Variants in UNC79 observed in about 807,000 individuals in gnomAD.
UNC79 encodes the protein unc-79 subunit of NALCN channel complex.
In UNC79, 37 loss-of-function variants were observed where a neutral mutation model predicts 283.1. That is an observed-to-expected ratio of 0.13 (90% CI 0.10 to 0.17). The LOEUF (loss-of-function observed/expected upper bound fraction) is 0.17. Among genes scored for constraint, UNC79 ranks in the 10% least tolerant of loss-of-function variants. The probability of loss-of-function intolerance (pLI) is 1.00; values close to 1 mark genes in which losing one functional copy is unlikely to be tolerated. For missense variants in UNC79, 2,272 were observed against 3,211.1 expected (o/e 0.71, Z 7.07); for synonymous variants, 1,107 against 1,200.2 (o/e 0.92, Z 1.61).
At chr14:93,351,467 C>T (rs2053979105) in intron 1 of UNC79, among the ~76,000 whole-genome samples, 1 of 152,092 alleles carries the variant, frequency 6.6e-6, no homozygotes, top group Non-Finnish European at 1.5e-5. Flanking sequence ...TGCTAATATT[C>T]ATTCATTCAA....
At chr14:93,612,117 G>A (rs1171778183) in intron 26 of UNC79, among the ~76,000 whole-genome samples, 4 of 152,178 alleles carry the variant, frequency 2.6e-5, no homozygotes, top group Non-Finnish European at 4.4e-5. Flanking sequence ...CCTTCATGTG[G>A]TGTTTTTCTG....
intron 1 of UNC79, among the ~76,000 whole-genome samples, chr14:93,417,418 T>A (rs1477255248): frequency 1.4e-4 from 21 of 152,198 alleles, no homozygotes; most frequent in African/African-American, 4.6e-4. Flanking sequence ...CTTCCCTTTG[T>A]GGGTAACCCG....
At chr14:93,677,225 T>C (rs1249453523) in intron 41 of UNC79, among the ~76,000 whole-genome samples, 1 of 152,194 alleles carries the variant, frequency 6.6e-6, no homozygotes, top group Non-Finnish European at 1.5e-5. Flanking sequence ...TGGTCCTGCC[T>C]AAGTCATGGA....
chr14:93,343,325 T>G (rs950296113), intron 1 of UNC79, among the ~76,000 whole-genome samples: 15 of 152,230 alleles, frequency 9.9e-5, no homozygotes, highest in African/African-American at 3.6e-4. Flanking sequence ...GCAAGGGGCA[T>G]GTCTTCTTAT....
intron 22 of UNC79, among the ~76,000 whole-genome samples, chr14:93,590,276 G>A (rs996926273): frequency 9.9e-5 from 15 of 152,184 alleles, no homozygotes; most frequent in Non-Finnish European, 1.8e-4. Context: ...CATACCATGA[G>A]AAAGGTGGAG....
chr14:93,704,100 G>A (rs2075711046), intron 47 of UNC79, among the ~76,000 whole-genome samples: 2 of 152,160 alleles, frequency 1.3e-5, no homozygotes, highest in Non-Finnish European at 2.9e-5. Flanking sequence ...TTGGCTGTGT[G>A]TGCTCCCACA....
At chr14:93,606,421 A>G (rs895342696) in intron 26 of UNC79, among the ~76,000 whole-genome samples, 6 of 152,248 alleles carry the variant, frequency 3.9e-5, no homozygotes, top group African/African-American at 1.4e-4. Context: ...GGCAATTTCA[A>G]ACTACTGTAG....
At chr14:93,641,340 C>A in intron 33 of UNC79, 93 bp downstream of exon 36, 2 of 1,242,490 alleles carry the variant, frequency 1.6e-6, no homozygotes, top group Non-Finnish European at 2.3e-6. Context: ...GCATGCTTTG[C>A]TTTTAAGTCA....
intron 1 of UNC79, among the ~76,000 whole-genome samples, chr14:93,384,133 T>A (rs1391268340): frequency 1.3e-5 from 2 of 152,328 alleles, no homozygotes; most frequent in South Asian, 2.1e-4. Flanking sequence ...TCCAAATGGA[T>A]CTTATGAATA....
chr14:93,350,469 G>C (rs1336444906), intron 1 of UNC79, among the ~76,000 whole-genome samples: 1 of 152,004 alleles, frequency 6.6e-6, no homozygotes, highest in Non-Finnish European at 1.5e-5. Flanking sequence ...AAGTAAGAAA[G>C]TAAAAAATGT....
At chr14:93,626,474 C>T (rs1221514947) in intron 30 of UNC79, among the ~76,000 whole-genome samples, 1 of 152,014 alleles carries the variant, frequency 6.6e-6, no homozygotes, top group Admixed American at 6.5e-5. Context: ...TCCTAAAGGA[C>T]CCTTGATTTG....
chr14:93,392,026 A>G (rs2054893734), intron 1 of UNC79, among the ~76,000 whole-genome samples: 1 of 152,210 alleles, frequency 6.6e-6, no homozygotes, highest in African/African-American at 2.4e-5. Flanking sequence ...TTATCATGAT[A>G]CAGTAAAGTT....
chr14:93,498,337 C>G (rs2140635543), intron 7 of UNC79, among the ~76,000 whole-genome samples: 1 of 151,586 alleles, frequency 6.6e-6, no homozygotes, highest in South Asian at 2.1e-4. Context: ...ACCTGTAATC[C>G]CAGCAGTTCG....
intron 1 of UNC79, among the ~76,000 whole-genome samples, chr14:93,373,817 C>T (rs778492010): frequency 1.3e-5 from 2 of 152,138 alleles, no homozygotes; most frequent in Non-Finnish European, 2.9e-5. Context: ...AAAACTACAA[C>T]CCAGTATCTC....
At chr14:93,359,229 C>T (rs1342386638) in intron 1 of UNC79, among the ~76,000 whole-genome samples, 2 of 152,164 alleles carry the variant, frequency 1.3e-5, no homozygotes, top group African/African-American at 4.8e-5. Context: ...CCTGATCTCC[C>T]TTGGTCTGAT....
chr14:93,418,616 C>T (rs2055517828), intron 1 of UNC79, among the ~76,000 whole-genome samples: 1 of 151,826 alleles, frequency 6.6e-6, no homozygotes, highest in African/African-American at 2.4e-5. Flanking sequence ...CTGTGCCCTG[C>T]CCCCAGAGGT....
chr14:93,614,042 G>T (rs1217773588), intron 27 of UNC79, among the ~76,000 whole-genome samples: 1 of 138,256 alleles, frequency 7.2e-6, no homozygotes, highest in East Asian at 2.0e-4. Context: ...TTCATGCACA[G>T]TAAAAAAAAA....
intron 12 of UNC79, 29 bp downstream of exon 12, chr14:93,538,247 C>T (rs752565389): frequency 2.0e-6 from 3 of 1,511,142 alleles, no homozygotes; most frequent in Non-Finnish European, 2.7e-6. Flanking sequence ...GTAGCTGCCT[C>T]TGACAACTCC....
chr14:93,371,667 T>C (rs1318563777), intron 1 of UNC79, among the ~76,000 whole-genome samples: 2 of 151,822 alleles, frequency 1.3e-5, no homozygotes, highest in African/African-American at 2.4e-5. Context: ...GGTGAAACCC[T>C]GTTTCTACTA....
Sources: gnomAD v4.1 joint callset for allele counts (sites outside exome capture counted in the v4.1 genomes callset) on GRCh38, gnomAD v4.1.1 for gene constraint, MANE v1.5 for transcripts, NCBI Gene and HGNC (gene_info 2026-07-23, HGNC 2026-07-21) for gene names.